The following SYTL2 variants were observed in gnomAD, a reference collection of about 807,000 sequenced individuals.
SYTL2 encodes synaptotagmin-like protein 2.
Under a neutral mutation model 198.7 loss-of-function variants are expected in SYTL2, and 165 were observed. The observed-to-expected ratio is 0.83, with a 90% CI of 0.73 to 0.94. The LOEUF (loss-of-function observed/expected upper bound fraction) is 0.94. SYTL2 is among the 40% of genes least tolerant of loss of function. The pLI is 0.00. For missense variants in SYTL2, 2,835 were observed against 2,582.8 expected (o/e 1.10, Z -2.12); for synonymous variants, 966 against 917.7 (o/e 1.05, Z -0.95).
At chr11:85,845,833 G>A in the SYTL2 span, among the ~76,000 whole-genome samples, 2 of 152,134 alleles carry the variant, frequency 1.3e-5, no homozygotes, top group East Asian at 1.9e-4. Flanking sequence ...GGAGAATGGC[G>A]TGAACCTGGG....
At chr11:85,790,160 A>G (rs2092708902) in intron 1 of SYTL2, among the ~76,000 whole-genome samples, 2 of 152,156 alleles carry the variant, frequency 1.3e-5, no homozygotes, top group South Asian at 2.1e-4. Context: ...TGTACACTGA[A>G]TCATCAGAAA....
chr11:85,846,184 C>T, the SYTL2 span, among the ~76,000 whole-genome samples: 1,517 of 152,298 alleles, frequency 1.0e-2, 23 homozygotes, highest in African/African-American at 0.031. Flanking sequence ...ATGGTTGTCT[C>T]ATAGGAGATA....
At chr11:85,792,306 A>G (rs1469285546) in intron 1 of SYTL2, among the ~76,000 whole-genome samples, 1 of 152,040 alleles carries the variant, frequency 6.6e-6, no homozygotes, top group East Asian at 1.9e-4. Context: ...GTAGTTAAGA[A>G]TAGACTATCT....
At chr11:85,766,224 A>G (rs1230717754) in intron 1 of SYTL2, among the ~76,000 whole-genome samples, 1 of 152,204 alleles carries the variant, frequency 6.6e-6, no homozygotes, top group African/African-American at 2.4e-5. Flanking sequence ...GGGGAGTTTG[A>G]ACCTGAATTT....
chr11:85,718,883 C>A (rs2087806944), intron 9 of SYTL2, 40 bp from the exon 10 acceptor site: 2 of 1,607,356 alleles, frequency 1.2e-6, no homozygotes, highest in Non-Finnish European at 8.5e-7. Flanking sequence ...CATGGCTGAC[C>A]CTTGGAGAGA....
the SYTL2 span, among the ~76,000 whole-genome samples, chr11:85,847,070 C>A: frequency 6.6e-6 from 1 of 152,138 alleles, no homozygotes; most frequent in African/African-American, 2.4e-5. Context: ...TGTTAAAGTA[C>A]AATTTATATA....
intron 1 of SYTL2, among the ~76,000 whole-genome samples, chr11:85,779,273 G>C (rs1367894166): frequency 6.6e-6 from 1 of 152,052 alleles, no homozygotes; most frequent in Non-Finnish European, 1.5e-5. Flanking sequence ...GGGTATTTTG[G>C]TTCAGATGTG....
chr11:85,820,617 G>C, the SYTL2 span, among the ~76,000 whole-genome samples: 1 of 152,280 alleles, frequency 6.6e-6, no homozygotes, highest in Non-Finnish European at 1.5e-5. Flanking sequence ...ATGTACGAGA[G>C]TTTAAGAGCC....
the SYTL2 span, among the ~76,000 whole-genome samples, chr11:85,828,448 T>A: frequency 6.6e-6 from 1 of 152,218 alleles, no homozygotes; most frequent in Non-Finnish European, 1.5e-5. Context: ...CTTAAGTGAC[T>A]CATCATAGTA....
At chr11:85,825,312 C>T in the SYTL2 span, among the ~76,000 whole-genome samples, 1 of 141,536 alleles carries the variant, frequency 7.1e-6, no homozygotes, top group Non-Finnish European at 1.5e-5. Context: ...GGCGTGAACC[C>T]GGGAGGCGGA....
chr11:85,792,650 T>C (rs1403965906), intron 1 of SYTL2, among the ~76,000 whole-genome samples: 2 of 151,854 alleles, frequency 1.3e-5, no homozygotes, highest in Non-Finnish European at 2.9e-5. Flanking sequence ...TATTATACTT[T>C]AAGTTTTAGG....
At chr11:85,771,429 G>C (rs554266904) in intron 1 of SYTL2, among the ~76,000 whole-genome samples, 65 of 152,272 alleles carry the variant, frequency 4.3e-4, no homozygotes, top group African/African-American at 1.3e-3. Flanking sequence ...TCTTTCATTA[G>C]CATAAGTTAC....
In SYTL2 at chr11:85,745,646, G is replaced by T; in HGVS notation, c.380C>A (p.Ala127Glu). 4 of 1,612,784 alleles carry T rather than the reference G, an allele frequency of 2.5e-6. 1 individual carries two copies. The highest frequency in any genetic ancestry group is 1.7e-4 in the Middle Eastern group (1 of 6,014). Residue 127 changes from alanine (A) to glutamate (E), a missense_variant, in exon 4 of 20, where the codon GCA becomes GAA. Ala to Glu is a moderately radical substitution (Grantham distance 107, BLOSUM62 -1). Transcript: ENST00000359152. ...VEEPEEDAAP[A>E]SPSSSVVNPA... ...AGAAGCTTTGCCTTACCTCGGGCTT[G>T]CTGGTGCTGCATCTTCTTCTGGCTC...
chr11:85,796,949 G>T (rs2092811915), intron 1 of SYTL2, among the ~76,000 whole-genome samples: 1 of 152,190 alleles, frequency 6.6e-6, no homozygotes, highest in Non-Finnish European at 1.5e-5. Flanking sequence ...AGCACCTTAG[G>T]AGGCCAAGGC....
intron 2 of SYTL2, 42 bp downstream of exon 2, chr11:85,757,583 C>T: frequency 1.9e-6 from 3 of 1,604,048 alleles, no homozygotes; most frequent in Non-Finnish European, 8.5e-7. Context: ...GTACAGACTG[C>T]CTCTTCCTTC....
At chr11:85,733,874 C>T in intron 7 of SYTL2, 65 bp downstream of exon 7, 1 of 1,354,724 alleles carries the variant, frequency 7.4e-7, no homozygotes, top group Non-Finnish European at 1.0e-6. Flanking sequence ...GCTGGGATTA[C>T]AGGCGTGAGC....
chr11:85,832,777 A>C, the SYTL2 span, among the ~76,000 whole-genome samples: 2 of 151,578 alleles, frequency 1.3e-5, no homozygotes, highest in East Asian at 3.9e-4. Flanking sequence ...GAATTGTTTG[A>C]GCCTAGGAGT....
At chr11:85,808,122 A>G (rs2092983532) in intron 1 of SYTL2, among the ~76,000 whole-genome samples, 1 of 152,188 alleles carries the variant, frequency 6.6e-6, no homozygotes, top group Non-Finnish European at 1.5e-5. Context: ...GCTGGAGTAC[A>G]GTGGCATGAT....
intron 1 of SYTL2, among the ~76,000 whole-genome samples, chr11:85,761,273 G>A (rs2092088589): frequency 6.6e-6 from 1 of 152,250 alleles, no homozygotes; most frequent in Non-Finnish European, 1.5e-5. Context: ...ATAACTCAGG[G>A]AGAGTAGGAA....
Sources: gnomAD v4.1 joint callset for allele counts (sites outside exome capture counted in the v4.1 genomes callset) on GRCh38, gnomAD v4.1.1 for gene constraint, MANE v1.5 for transcripts, NCBI Gene and HGNC (gene_info 2026-07-23, HGNC 2026-07-21) for gene names.